The following AUTS2 variants were observed in gnomAD, a reference collection of about 807,000 sequenced individuals.
The protein encoded by AUTS2 is autism susceptibility gene 2 protein.
Under a neutral mutation model 112.4 loss-of-function variants are expected in AUTS2, and 17 were observed. The ratio of observed to expected loss-of-function variants is 0.15; its 90% confidence interval spans 0.10 to 0.23. The LOEUF (loss-of-function observed/expected upper bound fraction) is 0.23, where lower values mean the gene tolerates loss of function less well. AUTS2 is among the 10% of genes least tolerant of loss of function. The probability of loss-of-function intolerance (pLI) is 1.00; values close to 1 mark genes in which losing one functional copy is unlikely to be tolerated. For missense variants in AUTS2, 1,510 were observed against 1,701.6 expected, an observed-to-expected ratio of 0.89 and a Z score of 1.98; for synonymous variants, 751 against 702.7, an observed-to-expected ratio of 1.07 and a Z score of -1.09.
At chr7:70,135,518 A>G (rs940308200) in intron 4 of AUTS2, among the ~76,000 whole-genome samples, 6 of 152,106 alleles carry the variant, frequency 3.9e-5, no homozygotes, top group South Asian at 2.1e-4. Flanking sequence ...TTTCTCTCCA[A>G]TGCTAATTAC....
At chr7:70,295,837 C>T (rs1788908837) in intron 4 of AUTS2, among the ~76,000 whole-genome samples, 1 of 152,040 alleles carries the variant, frequency 6.6e-6, no homozygotes, top group South Asian at 2.1e-4. Flanking sequence ...TTTGTGTGAC[C>T]AAGAGAGTTC....
rs1563203991 is a variant in AUTS2 at position 70,790,498 on chromosome 7, CCTG to C, written c.3285_3287del (p.Leu1096del). ...GGAGAGACCCGCTGGGCAGGGACTT[CCTG>C]CTAAGGAACGACCCGCTCCACCGGC... On this transcript the variant is annotated inframe_deletion, in exon 19 of 19. Coordinates refer to ENST00000342771, the MANE Select transcript of AUTS2 (RefSeq NM_015570.4). The surrounding 1 kb of genome is among the most constrained non-coding windows in gnomAD (Gnocchi z 7.6). 6.2e-7 allele frequency: 1 copy of C among 1,612,696 alleles called. No individual in the cohort carries two copies. Among genetic ancestry groups the C allele is most frequent in the Non-Finnish European group, 8.5e-7 (1 of 1,179,610 alleles).
chr7:70,022,911 G>A (rs1275064324), intron 2 of AUTS2, among the ~76,000 whole-genome samples: 1 of 152,008 alleles, frequency 6.6e-6, no homozygotes, highest in Non-Finnish European at 1.5e-5. Context: ...GAGTGCAGTG[G>A]CATGATCACA....
intron 4 of AUTS2, among the ~76,000 whole-genome samples, chr7:70,222,660 T>C (rs1477878260): frequency 6.6e-6 from 1 of 151,968 alleles, no homozygotes; most frequent in African/African-American, 2.4e-5. Context: ...TTAAGTTCTC[T>C]GCAATGTTAG....
intron 4 of AUTS2, among the ~76,000 whole-genome samples, chr7:70,360,905 C>A (rs1792230632): frequency 6.6e-6 from 1 of 152,140 alleles, no homozygotes; most frequent in African/African-American, 2.4e-5. Context: ...AAAATGATTC[C>A]ACACACAAAA....
At chr7:69,639,176 A>C (rs896846722) in intron 1 of AUTS2, among the ~76,000 whole-genome samples, 3 of 152,244 alleles carry the variant, frequency 2.0e-5, no homozygotes, top group Non-Finnish European at 4.4e-5. Flanking sequence ...TAGGTTCCAT[A>C]ATATTTCATA....
intron 1 of AUTS2, among the ~76,000 whole-genome samples, chr7:69,879,673 G>A (rs1367009976): frequency 6.6e-6 from 1 of 152,168 alleles, no homozygotes; most frequent in Non-Finnish European, 1.5e-5. Context: ...TCATCCCTAT[G>A]TTACAGATGA....
intron 4 of AUTS2, among the ~76,000 whole-genome samples, chr7:70,301,421 C>T (rs1464302158): frequency 6.6e-6 from 1 of 151,924 alleles, no homozygotes; most frequent in African/African-American, 2.4e-5. Context: ...ATGTGTGGAT[C>T]TTTTTTATTG....
intron 4 of AUTS2, among the ~76,000 whole-genome samples, chr7:70,195,568 T>G (rs1376298432): frequency 6.6e-6 from 1 of 152,092 alleles, no homozygotes. Flanking sequence ...CAAAAATCGC[T>G]TGAACTTGGG....
chr7:69,695,326 T>C (rs1797511683), intron 1 of AUTS2, among the ~76,000 whole-genome samples: 1 of 151,876 alleles, frequency 6.6e-6, no homozygotes, highest in Non-Finnish European at 1.5e-5. Flanking sequence ...AAGACTCTTG[T>C]ATAAAAAAGA....
chr7:70,347,271 G>A (rs981076614), intron 4 of AUTS2, among the ~76,000 whole-genome samples: 1 of 152,150 alleles, frequency 6.6e-6, no homozygotes, highest in Non-Finnish European at 1.5e-5. Flanking sequence ...GTTTGAGTAT[G>A]TGCCTTCACT....
chr7:69,878,463 G>A (rs1584381100), intron 1 of AUTS2, among the ~76,000 whole-genome samples: 1 of 152,246 alleles, frequency 6.6e-6, no homozygotes, highest in Non-Finnish European at 1.5e-5. Context: ...TGAGGAGGTG[G>A]AAAACGCCTC....
chr7:70,062,299 A>C (rs555313114), intron 2 of AUTS2, among the ~76,000 whole-genome samples: 25 of 151,958 alleles, frequency 1.6e-4, no homozygotes, highest in Non-Finnish European at 3.2e-4. Flanking sequence ...TCACGAGGTC[A>C]AGAGATCAAG....
intron 4 of AUTS2, among the ~76,000 whole-genome samples, chr7:70,223,213 A>C (rs1337671725): frequency 6.6e-6 from 1 of 152,100 alleles, no homozygotes; most frequent in Non-Finnish European, 1.5e-5. Context: ...TTAATAGATC[A>C]TCCTTATTTA....
intron 2 of AUTS2, among the ~76,000 whole-genome samples, chr7:69,985,280 T>C (rs1463308168): frequency 6.6e-6 from 1 of 151,520 alleles, no homozygotes; most frequent in African/African-American, 2.4e-5. Context: ...TGTTTTTCTG[T>C]TGTTGAGCCT....
At chr7:70,781,468 A>G (rs1791074460) in intron 14 of AUTS2, 147 bp from the exon 15 acceptor site, 3 of 932,408 alleles carry the variant, frequency 3.2e-6, no homozygotes, top group African/African-American at 1.7e-5. Flanking sequence ...TGAGGGTGAA[A>G]TGGTTTTTGT....
chr7:70,658,273 G>C (rs997809260), intron 5 of AUTS2, among the ~76,000 whole-genome samples: 13 of 152,178 alleles, frequency 8.5e-5, no homozygotes, highest in Non-Finnish European at 1.6e-4. Flanking sequence ...GATCCTGGAG[G>C]CCCTGGGGAA....
At chr7:69,614,701 C>T (rs971706958) in intron 1 of AUTS2, among the ~76,000 whole-genome samples, 35 of 152,078 alleles carry the variant, frequency 2.3e-4, no homozygotes, top group African/African-American at 8.0e-4. Context: ...CCAGGCTGAT[C>T]TAGAACTCCT....
Position 70,534,398 on chromosome 7 carries a change from T to C in AUTS2, c.690+98617T>C, listed in dbSNP as rs1340363141. ...TCGGGGAGTTATTGGGAATATGAAT[T>C]TGTTTGTTTGTTTGTTTGTTTGTTT... is the stretch of plus-strand genomic sequence containing the variant. On this transcript the variant is annotated intron_variant, in intron 5 of 18. Transcript: ENST00000342771. Among the ~76,000 whole-genome samples, 21 of 20,492 alleles carry C rather than the reference T, an allele frequency of 1.0e-3. 1 individual carries two copies. Among genetic ancestry groups the C allele is most frequent in the Non-Finnish European group, 2.1e-3 (21 of 9,976 alleles). 13.4% of individuals were successfully genotyped at this position (20,492 alleles called of 152,430 possible). A position where few individuals can be genotyped will look rare whatever the true frequency, so the allele number is the denominator to read the frequency against.
Sources: allele counts gnomAD v4.1 joint callset (sites outside exome capture counted in the v4.1 genomes callset), GRCh38; gene constraint gnomAD v4.1.1; non-coding constraint Gnocchi (gnomAD v3.1); transcripts MANE v1.5; gene names NCBI Gene and HGNC (gene_info 2026-07-23, HGNC 2026-07-21).